KIF6: variants seen among roughly 807,000 people sequenced by gnomAD.
The protein encoded by KIF6 is kinesin-like protein KIF6.
Under a neutral mutation model 112.7 loss-of-function variants are expected in KIF6, and 106 were observed. That is an observed-to-expected ratio of 0.94 (90% CI 0.80 to 1.11). The LOEUF (loss-of-function observed/expected upper bound fraction) is 1.11, where lower values mean the gene tolerates loss of function less well. Ranked by LOEUF, KIF6 falls within the 50% of genes least tolerant of loss-of-function variation. KIF6 has a pLI of 0.00. For synonymous variants in KIF6, 339 were observed against 339.9 expected (o/e 1.00, Z 0.03); for missense variants, 929 against 964.0 (o/e 0.96, Z 0.48).
chr6:39,543,665 AT>A (rs1778918814), intron 12 of KIF6, among the ~76,000 whole-genome samples: 2 of 152,226 alleles, frequency 1.3e-5, no homozygotes, highest in Admixed American at 1.3e-4. Context: ...GACCGAAAGG[AT>A]TTCTTGTGCA....
In KIF6 at chr6:39,533,353, G is replaced by T. The variant is rs144124909; in HGVS notation, c.1645+6650C>A. ...GGGCTTAAAAAACGGTGCACCAGGA[G>T]ATTATATCCTGCACATGGCTTGGAG... On this transcript the variant is annotated intron_variant, in intron 13 of 22. Coordinates refer to ENST00000287152, the MANE Select transcript of KIF6 (RefSeq NM_145027.6). Among the ~76,000 whole-genome samples the T allele has an allele frequency of 8.5e-4, 129 of 152,350 alleles. 1 individual carries two copies. The highest frequency in any genetic ancestry group is 2.9e-3 in the African/African-American group (120 of 41,586).
intron 6 of KIF6, among the ~76,000 whole-genome samples, chr6:39,599,479 G>A (rs1277298162): frequency 6.6e-6 from 1 of 152,182 alleles, no homozygotes; most frequent in Non-Finnish European, 1.5e-5. Context: ...TGATGATGTA[G>A]CTAGTGAGTC....
chr6:39,553,049 T>C (rs1779474476), intron 10 of KIF6, among the ~76,000 whole-genome samples: 1 of 152,218 alleles, frequency 6.6e-6, no homozygotes, highest in Admixed American at 6.5e-5. Context: ...GCTGAAAGAA[T>C]CAATTCCAAT....
intron 20 of KIF6, among the ~76,000 whole-genome samples, chr6:39,346,143 C>G (rs1412337055): frequency 7.5e-6 from 1 of 132,720 alleles, no homozygotes; most frequent in Admixed American, 8.0e-5. Context: ...CTCTCTCTCT[C>G]TCTCTCTCTC....
Position 39,423,539 on chromosome 6 carries a change from A to T in KIF6, c.1755-3536T>A, listed in dbSNP as rs186800080. Among the ~76,000 whole-genome samples the T allele has an allele frequency of 5.4e-4, 82 of 151,686 alleles. 3 individuals carry two copies. The East Asian group carries it at 0.014, about 26-fold the overall frequency. On this transcript the variant is annotated intron_variant, in intron 14 of 22. Transcript: ENST00000287152. ...GGCTATCTCAACTGTCATCTCTCAA[A>T]TCTCCACCTCAGCCCTGCTTTAGTT...
intron 13 of KIF6, among the ~76,000 whole-genome samples, chr6:39,476,308 G>A (rs1334240977): frequency 1.3e-5 from 2 of 151,882 alleles, no homozygotes; most frequent in African/African-American, 2.4e-5. Flanking sequence ...CACTTAACTA[G>A]CTGTGGTTTC....
At chr6:39,478,389 C>T (rs370114391) in intron 13 of KIF6, among the ~76,000 whole-genome samples, 4 of 152,234 alleles carry the variant, frequency 2.6e-5, no homozygotes, top group South Asian at 4.1e-4. Flanking sequence ...CTTTTTATGG[C>T]TGAGTAGTAT....
rs1332853757 is a variant in KIF6, at chr6:39,506,957, T to C, written c.1645+33046A>G. On this transcript the variant is annotated intron_variant, in intron 13 of 22. Transcript: ENST00000287152. ...GAAACTCCAGGCCATCCCCATGCCT[T>C]GCCCTGTGCCTCTCTTCCACTTGGC... Among the ~76,000 whole-genome samples the C allele has an allele frequency of 2.0e-5, 3 of 152,314 alleles. No individual in the cohort carries two copies. The East Asian group carries it at 5.8e-4, about 29-fold the overall frequency.
chr6:39,434,088 G>A (rs1025718780), intron 13 of KIF6, among the ~76,000 whole-genome samples: 6 of 152,086 alleles, frequency 3.9e-5, no homozygotes, highest in Non-Finnish European at 8.8e-5. Context: ...AAGAGAAAGA[G>A]CAAAGGAGCA....
At chr6:39,420,681 T>G (rs549618855) in intron 14 of KIF6, among the ~76,000 whole-genome samples, 1 of 152,326 alleles carries the variant, frequency 6.6e-6, no homozygotes, top group Admixed American at 6.5e-5. Context: ...AAAAAAATTC[T>G]CAAGTACTCC....
intron 22 of KIF6, among the ~76,000 whole-genome samples, chr6:39,340,969 C>T (rs1384171793): frequency 6.6e-6 from 1 of 152,158 alleles, no homozygotes; most frequent in Non-Finnish European, 1.5e-5. Context: ...GTGCCCCACA[C>T]ACTGTCCCCT....
intron 14 of KIF6, among the ~76,000 whole-genome samples, chr6:39,421,381 A>G (rs1175564266): frequency 6.6e-6 from 1 of 152,186 alleles, no homozygotes; most frequent in Non-Finnish European, 1.5e-5. Flanking sequence ...TATTTCAACT[A>G]TTTCCCCTCC....
chr6:39,582,787 A>G (rs1582192568), intron 9 of KIF6, among the ~76,000 whole-genome samples: 1 of 152,188 alleles, frequency 6.6e-6, no homozygotes, highest in Non-Finnish European at 1.5e-5. Flanking sequence ...ATTAAATTTT[A>G]AAAGTAAGAC....
chr6:39,675,831 C>T (rs303678), intron 3 of KIF6, among the ~76,000 whole-genome samples: 130,670 of 151,936 alleles, frequency 0.86, 56,615 homozygotes, highest in East Asian at 0.97. Flanking sequence ...ACCATTGAAA[C>T]TTTAAAAACT....
At chr6:39,493,584 G>A (rs957906864) in intron 13 of KIF6, among the ~76,000 whole-genome samples, 1 of 152,244 alleles carries the variant, frequency 6.6e-6, no homozygotes, top group Admixed American at 6.5e-5. Context: ...TGTGATGGGT[G>A]GAGGTGTTAA....
At chr6:39,336,850 G>A (rs1362342217) in intron 22 of KIF6, among the ~76,000 whole-genome samples, 2 of 151,504 alleles carry the variant, frequency 1.3e-5, no homozygotes, top group Non-Finnish European at 2.9e-5. Context: ...CACCGAGGCT[G>A]GAGTCTTGTC....
At chr6:39,408,935 GACTA>G (rs1465440134) in intron 15 of KIF6, among the ~76,000 whole-genome samples, 2 of 152,100 alleles carry the variant, frequency 1.3e-5, no homozygotes, top group African/African-American at 2.4e-5. Context: ...GTCCTCCCTT[GACTA>G]ACTTAGTCCT....
intron 22 of KIF6, among the ~76,000 whole-genome samples, chr6:39,339,186 C>T (rs1361173192): frequency 6.6e-6 from 1 of 152,164 alleles, no homozygotes; most frequent in Non-Finnish European, 1.5e-5. Context: ...AGCAAAATCA[C>T]ACCTCATGGT....
intron 15 of KIF6, among the ~76,000 whole-genome samples, chr6:39,389,991 G>A (rs983974363): frequency 3.5e-5 from 5 of 141,936 alleles, no homozygotes; most frequent in Non-Finnish European, 6.0e-5. Context: ...AGATCGCGCC[G>A]CTGCACTCCA....
Sources: allele counts gnomAD v4.1 joint callset (sites outside exome capture counted in the v4.1 genomes callset), GRCh38; gene constraint gnomAD v4.1.1; transcripts MANE v1.5; gene names NCBI Gene and HGNC (gene_info 2026-07-23, HGNC 2026-07-21).